The following TMEM178B variants were observed in gnomAD, a reference collection of about 807,000 sequenced individuals.
TMEM178B encodes transmembrane protein 178B.
Under a neutral mutation model 31.0 loss-of-function variants are expected in TMEM178B, and 5 were observed. The ratio of observed to expected loss-of-function variants is 0.16; its 90% CI spans 0.08 to 0.34. The LOEUF (loss-of-function observed/expected upper bound fraction) is 0.34, where lower values mean the gene tolerates loss of function less well. TMEM178B is among the 10% of genes least tolerant of loss of function. The pLI is 1.00. For missense variants in TMEM178B, 275 were observed against 400.3 expected (o/e 0.69, Z 2.67); for synonymous variants, 164 against 164.0 (o/e 1.00, Z 0.00).
At chr7:141,430,652 A>T (rs1011173014) in intron 2 of TMEM178B, among the ~76,000 whole-genome samples, 1 of 152,092 alleles carries the variant, frequency 6.6e-6, no homozygotes, top group Admixed American at 6.5e-5. Context: ...CACTTCCTTC[A>T]GAGGTGGTTG....
At chr7:141,180,385 A>T (rs1796504161) in intron 1 of TMEM178B, among the ~76,000 whole-genome samples, 2 of 146,586 alleles carry the variant, frequency 1.4e-5, no homozygotes, top group South Asian at 4.5e-4. Flanking sequence ...GCTTGAACCC[A>T]GGAGGTGGAG....
intron 2 of TMEM178B, among the ~76,000 whole-genome samples, chr7:141,390,150 G>T (rs1299200338): frequency 2.0e-5 from 3 of 152,128 alleles, no homozygotes; most frequent in African/African-American, 7.2e-5. Flanking sequence ...AATTATTTAG[G>T]CTGAAAGGAC....
intron 2 of TMEM178B, among the ~76,000 whole-genome samples, chr7:141,229,659 A>C (rs1053721370): frequency 2.0e-5 from 3 of 152,190 alleles, no homozygotes; most frequent in African/African-American, 7.2e-5. Flanking sequence ...ATGATGTTTC[A>C]TTCCTGTAAT....
intron 2 of TMEM178B, among the ~76,000 whole-genome samples, chr7:141,216,323 G>A (rs565754418): frequency 6.6e-6 from 1 of 152,238 alleles, no homozygotes; most frequent in East Asian, 1.9e-4. Context: ...CGGGTGACTA[G>A]CAGGTGAAAG....
the TMEM178B span, among the ~76,000 whole-genome samples, chr7:141,494,369 C>G: frequency 6.6e-6 from 1 of 152,144 alleles, no homozygotes; most frequent in African/African-American, 2.4e-5. Context: ...TTCTTCTCAT[C>G]CTCAACACCA....
chr7:141,447,512 C>A (rs905180479), intron 3 of TMEM178B, among the ~76,000 whole-genome samples: 1 of 152,078 alleles, frequency 6.6e-6, no homozygotes, highest in African/African-American at 2.4e-5. Context: ...GAGGCGTGGG[C>A]AGGGGCTGAT....
chr7:141,275,424 T>C (rs567893704), intron 2 of TMEM178B, among the ~76,000 whole-genome samples: 1 of 152,174 alleles, frequency 6.6e-6, no homozygotes, highest in Non-Finnish European at 1.5e-5. Context: ...AACTGTGTAG[T>C]TTGCCTTGTA....
chr7:141,405,417 T>C (rs1242348092), intron 2 of TMEM178B, among the ~76,000 whole-genome samples: 2 of 152,246 alleles, frequency 1.3e-5, no homozygotes, highest in African/African-American at 4.8e-5. Flanking sequence ...AAGCTGCCTA[T>C]GGAGCTTACC....
At chr7:141,077,278 T>C (rs1794615267) in intron 1 of TMEM178B, among the ~76,000 whole-genome samples, 1 of 152,214 alleles carries the variant, frequency 6.6e-6, no homozygotes, top group Non-Finnish European at 1.5e-5. Flanking sequence ...TCTACTTTGA[T>C]TAAAATTCTG....
intron 2 of TMEM178B, among the ~76,000 whole-genome samples, chr7:141,230,790 C>T (rs1586838769): frequency 6.6e-6 from 1 of 152,152 alleles, no homozygotes; most frequent in African/African-American, 2.4e-5. Flanking sequence ...ATGTGCTCTA[C>T]TGCACCTGGC....
chr7:141,196,234 A>C (rs1796781391), intron 1 of TMEM178B, among the ~76,000 whole-genome samples: 1 of 151,510 alleles, frequency 6.6e-6, no homozygotes, highest in Non-Finnish European at 1.5e-5. Flanking sequence ...TTACTTTTCC[A>C]CTTTTTTCTG....
intron 2 of TMEM178B, among the ~76,000 whole-genome samples, chr7:141,279,384 A>T (rs1405092560): frequency 1.3e-5 from 2 of 152,252 alleles, no homozygotes; most frequent in African/African-American, 4.8e-5. Flanking sequence ...TTTTTAAAAC[A>T]GTGTTACTTT....
At chr7:141,097,345 G>A (rs1353775018) in intron 1 of TMEM178B, among the ~76,000 whole-genome samples, 4 of 117,308 alleles carry the variant, frequency 3.4e-5, no homozygotes, top group Admixed American at 1.2e-4. Context: ...CGGCCTGGGC[G>A]AAAGAGTGAG....
chr7:141,243,617 G>A (rs1014398368), intron 2 of TMEM178B, among the ~76,000 whole-genome samples: 3 of 151,970 alleles, frequency 2.0e-5, no homozygotes, highest in South Asian at 2.1e-4. Context: ...GCTGGGCCTC[G>A]GCTTCCTTCC....
chr7:141,448,760 A>C (rs1801807500), intron 3 of TMEM178B, among the ~76,000 whole-genome samples: 1 of 152,160 alleles, frequency 6.6e-6, no homozygotes, highest in African/African-American at 2.4e-5. Context: ...CAAATGACTG[A>C]ATAAATGCAG....
rs932919029 is a variant in TMEM178B at position 141,343,545 on chromosome 7, T to G, written c.497-94063T>G. Among the ~76,000 whole-genome samples the G allele has an allele frequency of 1.2e-3, 183 of 147,112 alleles. 1 individual carries two copies. Among genetic ancestry groups the G allele is most frequent in the African/African-American group, 4.3e-3 (170 of 39,344 alleles). ...AGCACCTTTTTTTTTTTTTTTTTTT[T>G]TTTTGTGAGATGGAGTCTTGCTCTG... On this transcript the variant is annotated intron_variant, in intron 2 of 3. Transcript: ENST00000565468.
the TMEM178B span, among the ~76,000 whole-genome samples, chr7:141,507,723 G>T: frequency 6.6e-6 from 1 of 152,200 alleles, no homozygotes; most frequent in African/African-American, 2.4e-5. Flanking sequence ...CCACATGGAA[G>T]CTGCCAAGGC....
At chr7:141,366,655 T>TC (rs1328410224) in intron 2 of TMEM178B, among the ~76,000 whole-genome samples, 4 of 152,172 alleles carry the variant, frequency 2.6e-5, no homozygotes, top group Non-Finnish European at 4.4e-5. Flanking sequence ...TTGTTTAGTT[T>TC]TCTATAACTT....
At chr7:141,079,327 G>C (rs1176101719) in intron 1 of TMEM178B, among the ~76,000 whole-genome samples, 1 of 152,078 alleles carries the variant, frequency 6.6e-6, no homozygotes, top group East Asian at 1.9e-4. Flanking sequence ...AGTTGTATTG[G>C]CCACATTTCA....
Sources: allele counts gnomAD v4.1 joint callset (sites outside exome capture counted in the v4.1 genomes callset), GRCh38; gene constraint gnomAD v4.1.1; transcripts MANE v1.5; gene names NCBI Gene and HGNC (gene_info 2026-07-23, HGNC 2026-07-21).